The following LRMDA variants were observed in gnomAD, a reference collection of about 807,000 sequenced individuals.
The protein encoded by LRMDA is leucine rich melanocyte differentiation associated, also known as leucine-rich melanocyte differentiation-associated protein.
In LRMDA, 18 loss-of-function variants were observed where a neutral mutation model predicts 29.8. That is an observed-to-expected ratio of 0.60 (90% CI 0.42 to 0.90). The LOEUF (loss-of-function observed/expected upper bound fraction) is 0.90. Ranked by LOEUF, LRMDA falls within the 40% of genes least tolerant of loss-of-function variation. LRMDA has a pLI of 0.00. For synonymous variants in LRMDA, 125 were observed against 109.4 expected, an observed-to-expected ratio of 1.14 and a Z score of -0.89; for missense variants, 273 against 273.9, an observed-to-expected ratio of 1.00 and a Z score of 0.02.
intron 2 of LRMDA, among the ~76,000 whole-genome samples, chr10:75,622,150 G>A (rs559901778): frequency 1.3e-5 from 2 of 152,286 alleles, no homozygotes; most frequent in East Asian, 1.9e-4. Context: ...GCATACATGT[G>A]TGCATTTAAT....
chr10:75,918,105 T>A (rs1159244186), intron 2 of LRMDA, among the ~76,000 whole-genome samples: 1 of 152,056 alleles, frequency 6.6e-6, no homozygotes, highest in Admixed American at 6.5e-5. Context: ...CTGATTTCTG[T>A]GAGAACTTGA....
intron 5 of LRMDA, among the ~76,000 whole-genome samples, chr10:76,119,864 G>A (rs74394443): frequency 2.0e-5 from 3 of 152,170 alleles, no homozygotes; most frequent in African/African-American, 7.2e-5. Flanking sequence ...TCATGAACCA[G>A]CTATTAAGAC....
At chr10:76,124,322 A>G (rs73285223) in intron 5 of LRMDA, among the ~76,000 whole-genome samples, 10,117 of 152,244 alleles carry the variant, frequency 0.066, 1,095 homozygotes, top group African/African-American at 0.23. Flanking sequence ...CTTTGACACC[A>G]TCTGTGTCAG....
At chr10:76,439,835 A>G (rs1842282797) in intron 6 of LRMDA, among the ~76,000 whole-genome samples, 1 of 152,192 alleles carries the variant, frequency 6.6e-6, no homozygotes, top group Non-Finnish European at 1.5e-5. Flanking sequence ...TCATATCTGA[A>G]ATCTCAGAAA....
chr10:76,224,537 A>T (rs577689893), intron 5 of LRMDA, among the ~76,000 whole-genome samples: 63 of 151,836 alleles, frequency 4.1e-4, no homozygotes, highest in African/African-American at 1.5e-3. Context: ...ATGCCACTAC[A>T]CTCCAGCCTG....
At chr10:75,552,115 T>G (rs969867400) in intron 2 of LRMDA, among the ~76,000 whole-genome samples, 2 of 152,152 alleles carry the variant, frequency 1.3e-5, no homozygotes, top group Non-Finnish European at 2.9e-5. Context: ...ATCCACATTT[T>G]AATCATTTCT....
intron 5 of LRMDA, among the ~76,000 whole-genome samples, chr10:76,236,865 C>T (rs1298091446): frequency 6.6e-6 from 1 of 152,182 alleles, no homozygotes; most frequent in African/African-American, 2.4e-5. Context: ...AAATTTATGA[C>T]TTAGTAATTT....
intron 2 of LRMDA, among the ~76,000 whole-genome samples, chr10:75,787,382 C>T (rs761338431): frequency 3.9e-5 from 6 of 152,078 alleles, no homozygotes; most frequent in South Asian, 2.1e-4. Flanking sequence ...ATCAGTGAAA[C>T]GGGATGTTTC....
chr10:75,860,319 T>C (rs1367175796), intron 2 of LRMDA, among the ~76,000 whole-genome samples: 11 of 143,256 alleles, frequency 7.7e-5, no homozygotes, highest in Non-Finnish European at 4.6e-5. Context: ...TGGTTTTTTT[T>C]TTTTTTTTTT....
intron 5 of LRMDA, among the ~76,000 whole-genome samples, chr10:76,297,332 A>T (rs1840424091): frequency 6.6e-6 from 1 of 152,190 alleles, no homozygotes; most frequent in South Asian, 2.1e-4. Context: ...AGGGGCTTTT[A>T]CCAGAAGGAG....
At chr10:76,286,718 C>A (rs1402449869) in intron 5 of LRMDA, among the ~76,000 whole-genome samples, 1 of 152,192 alleles carries the variant, frequency 6.6e-6, no homozygotes, top group African/African-American at 2.4e-5. Flanking sequence ...TTTGTCAAGG[C>A]AGATGTTGGA....
At chr10:76,264,892 C>T (rs1018977104) in intron 5 of LRMDA, among the ~76,000 whole-genome samples, 2 of 152,198 alleles carry the variant, frequency 1.3e-5, no homozygotes, top group African/African-American at 4.8e-5. Context: ...TAGCCTGAAA[C>T]TGTCTGTGAT....
In LRMDA at chr10:76,505,007, C is replaced by T. The variant is rs111575193; in HGVS notation, c.602-52202C>T. ...AAGGTTGGTCTAGTGGTAATAAATT[C>T]CCTCAGTATTTGCTTGTCTGAGAAG... On this transcript the variant is annotated intron_variant, in intron 6 of 6. Coordinates refer to ENST00000611255, the MANE Select transcript of LRMDA (RefSeq NM_001305581.2). 2.1e-3 allele frequency among the ~76,000 whole-genome samples: 323 copies of T among 152,010 alleles called. 3 individuals carry two copies. Among genetic ancestry groups the T allele is most frequent in the Middle Eastern group, 0.01 (3 of 292 alleles).
Position 75,885,159 on chromosome 10 carries a change from A to C in LRMDA, c.132-150849A>C, listed in dbSNP as rs890127479. 2.0e-5 allele frequency among the ~76,000 whole-genome samples: 3 copies of C among 152,196 alleles called. No individual in the cohort carries two copies. The East Asian group carries it at 5.8e-4, about 29-fold the overall frequency. On this transcript the variant is annotated intron_variant, in intron 2 of 6. Coordinates refer to ENST00000611255, the MANE Select transcript of LRMDA (RefSeq NM_001305581.2). ...AGGAGGCCAGGGGAGGACAGCAGGC[A>C]TACCCAAGGCCTCTCAGGCATTGCT...
intron 2 of LRMDA, among the ~76,000 whole-genome samples, chr10:75,612,271 C>G (rs1367657370): frequency 1.3e-5 from 2 of 152,226 alleles, no homozygotes; most frequent in Non-Finnish European, 2.9e-5. Flanking sequence ...TGAATGTGCT[C>G]TGAACCGTGC....
rs547073993 is a variant in LRMDA, at chr10:76,076,088, A to G, written c.516+17305A>G. On this transcript the variant is annotated intron_variant, in intron 5 of 6. Coordinates refer to ENST00000611255, the MANE Select transcript of LRMDA (RefSeq NM_001305581.2). ...GCTGGGCGCGGTGGCTCATGCCTGTAATCCCAGCACTTTGGGAGGCCGAGG... is the reference window on the plus strand; with the variant it reads ...GCTGGGCGCGGTGGCTCATGCCTGTGATCCCAGCACTTTGGGAGGCCGAGG... Among the ~76,000 whole-genome samples the G allele has an allele frequency of 2.0e-3, 306 of 152,288 alleles. 3 individuals are homozygous for G. Among genetic ancestry groups the G allele is most frequent in the African/African-American group, 7.3e-3 (302 of 41,554 alleles).
intron 5 of LRMDA, among the ~76,000 whole-genome samples, chr10:76,206,360 C>G (rs1463129731): frequency 1.3e-5 from 2 of 152,186 alleles, no homozygotes; most frequent in African/African-American, 4.8e-5. Context: ...TTCTGGGAAA[C>G]ATTCCTCATT....
At chr10:76,062,334 C>A (rs986308218) in intron 5 of LRMDA, among the ~76,000 whole-genome samples, 4 of 152,082 alleles carry the variant, frequency 2.6e-5, no homozygotes, top group African/African-American at 9.7e-5. Flanking sequence ...AATGTCCCTC[C>A]AATCACAGCT....
At chr10:75,462,889 C>T (rs370479935) in intron 2 of LRMDA, among the ~76,000 whole-genome samples, 2 of 152,202 alleles carry the variant, frequency 1.3e-5, no homozygotes, top group African/African-American at 2.4e-5. Context: ...ATTTCTTTTT[C>T]GGTTATATTC....
Sources: gnomAD v4.1 joint callset for allele counts (sites outside exome capture counted in the v4.1 genomes callset) on GRCh38, gnomAD v4.1.1 for gene constraint, MANE v1.5 for transcripts, NCBI Gene and HGNC (gene_info 2026-07-23, HGNC 2026-07-21) for gene names.